The following ELAVL2 variants were observed in gnomAD, a reference collection of about 807,000 sequenced individuals.
ELAVL2 encodes ELAV like RNA binding protein 2.
ELAVL2 carries 4 observed loss-of-function variants against 34.6 expected under a neutral mutation model. The observed-to-expected ratio is 0.12, with a 90% CI of 0.06 to 0.26. The LOEUF is 0.26. ELAVL2 is among the 10% of genes least tolerant of loss of function. The pLI is 1.00. For synonymous variants in ELAVL2, 193 were observed against 154.8 expected (o/e 1.25, Z -1.83); for missense variants, 432 against 442.8 (o/e 0.98, Z 0.22).
chr9:23,722,639 T>C (rs550903898), intron 3 of ELAVL2, among the ~76,000 whole-genome samples: 1 of 152,184 alleles, frequency 6.6e-6, no homozygotes, highest in Non-Finnish European at 1.5e-5. Context: ...ACATCAATAA[T>C]GTGAAATGGA....
intron 4 of ELAVL2, among the ~76,000 whole-genome samples, chr9:23,702,726 T>A (rs1434468161): frequency 6.6e-6 from 1 of 151,958 alleles, no homozygotes; most frequent in African/African-American, 2.4e-5. Flanking sequence ...ACCTTTTCTA[T>A]TTAAAGAGCA....
At chr9:23,716,109 G>T (rs1021540969) in intron 3 of ELAVL2, among the ~76,000 whole-genome samples, 1 of 143,556 alleles carries the variant, frequency 7.0e-6, no homozygotes, top group Non-Finnish European at 1.5e-5. Context: ...GGTGGGAAGT[G>T]AACAATGAGA....
chr9:23,701,634 A>G (rs2037261122), intron 4 of ELAVL2, 30 bp from the exon 5 acceptor site: 1 of 1,605,330 alleles, frequency 6.2e-7, no homozygotes, highest in African/African-American at 1.3e-5. Context: ...AGATTTGGAA[A>G]AGAGGGAACA....
chr9:23,757,853 T>G (rs572252664), intron 2 of ELAVL2, among the ~76,000 whole-genome samples: 1 of 152,202 alleles, frequency 6.6e-6, no homozygotes, highest in South Asian at 2.1e-4. Context: ...ATCAAAATAG[T>G]GACATTAATT....
intron 2 of ELAVL2, among the ~76,000 whole-genome samples, chr9:23,761,450 T>C (rs1032328769): frequency 1.3e-5 from 2 of 152,042 alleles, no homozygotes; most frequent in Non-Finnish European, 2.9e-5. Context: ...TTTATCTTTA[T>C]AACAAGAAGG....
intron 1 of ELAVL2, among the ~76,000 whole-genome samples, chr9:23,794,900 T>C (rs928693396): frequency 5.3e-5 from 8 of 152,162 alleles, no homozygotes; most frequent in African/African-American, 1.4e-4. Context: ...ATTAGGTATA[T>C]ACAGCTCCTA....
chr9:23,820,843 A>AG (rs2064513443), intron 1 of ELAVL2, among the ~76,000 whole-genome samples: 1 of 152,232 alleles, frequency 6.6e-6, no homozygotes, highest in South Asian at 2.1e-4. Context: ...CGCCCGGCAG[A>AG]GCGCCCGCGC....
chr9:23,759,754 T>TTATATATATA (rs774471922), intron 2 of ELAVL2, among the ~76,000 whole-genome samples: 2,943 of 80,882 alleles, frequency 0.036, 96 homozygotes, highest in Non-Finnish European at 0.039. Flanking sequence ...ATATATAGTA[T>TTATATATATA]TATATATATA....
intron 5 of ELAVL2, among the ~76,000 whole-genome samples, chr9:23,696,706 G>A (rs533522617): frequency 6.6e-6 from 1 of 152,036 alleles, no homozygotes; most frequent in African/African-American, 2.4e-5. Flanking sequence ...TCCTGACCTC[G>A]TGATCCACCC....
the ELAVL2 span, among the ~76,000 whole-genome samples, chr9:23,835,774 G>A: frequency 6.6e-6 from 1 of 152,074 alleles, no homozygotes. Flanking sequence ...TGAAATGGAA[G>A]GAAACAACAT....
chr9:23,802,035 AGT>A (rs777664216), intron 1 of ELAVL2, among the ~76,000 whole-genome samples: 3 of 152,190 alleles, frequency 2.0e-5, no homozygotes, highest in Non-Finnish European at 2.9e-5. Context: ...TGTTTTTTTA[AGT>A]GCAGATGTGT....
intron 1 of ELAVL2, among the ~76,000 whole-genome samples, chr9:23,806,631 A>AT (rs1487143270): frequency 1.3e-5 from 2 of 152,134 alleles, no homozygotes; most frequent in East Asian, 3.9e-4. Flanking sequence ...AAAAAAAAAA[A>AT]TCAGTAATAA....
rs565974073 is a variant in ELAVL2 at position 23,693,574 on chromosome 9, G to C, written c.714-88C>G. 15 of 1,459,788 alleles carry C rather than the reference G, an allele frequency of 1.0e-5. No homozygotes were observed. In the East Asian group the frequency reaches 3.2e-4, roughly 31 times the overall value. The allele number at this position is 1,459,788 out of a possible 1,614,324, so 90.4% of individuals were successfully genotyped here. ...TGGGCTCATTACTGCCATCTTCCGA[G>C]GGGATATCTGTACACTGATTATATG... On this transcript the variant is annotated intron_variant, in intron 5 of 6. Coordinates refer to ENST00000397312, the MANE Select transcript of ELAVL2 (RefSeq NM_004432.5).
At chr9:23,716,551 A>G (rs909501624) in intron 3 of ELAVL2, among the ~76,000 whole-genome samples, 1 of 152,138 alleles carries the variant, frequency 6.6e-6, no homozygotes, top group Admixed American at 6.5e-5. Context: ...TTCGTCTTTG[A>G]GCACACAGAG....
chr9:23,697,802 A>T (rs2035780431), intron 5 of ELAVL2, among the ~76,000 whole-genome samples: 1 of 152,186 alleles, frequency 6.6e-6, no homozygotes, highest in Non-Finnish European at 1.5e-5. Flanking sequence ...TTAAAGTCAG[A>T]AATAAAAATA....
At chr9:23,793,490 C>A (rs1366508794) in intron 1 of ELAVL2, among the ~76,000 whole-genome samples, 1 of 152,162 alleles carries the variant, frequency 6.6e-6, no homozygotes, top group Non-Finnish European at 1.5e-5. Flanking sequence ...CTCAAACCCT[C>A]AACTTTTTTT....
chr9:23,751,259 G>C (rs1342344161), intron 2 of ELAVL2, among the ~76,000 whole-genome samples: 1 of 152,062 alleles, frequency 6.6e-6, no homozygotes, highest in African/African-American at 2.4e-5. Flanking sequence ...AACTCATTAA[G>C]AGCTAAAAAT....
intron 3 of ELAVL2, among the ~76,000 whole-genome samples, chr9:23,719,623 A>G (rs1450501265): frequency 6.6e-6 from 1 of 152,128 alleles, no homozygotes; most frequent in Non-Finnish European, 1.5e-5. Context: ...TTCTAAATTA[A>G]GTTTGCATAT....
At chr9:23,728,779 A>G (rs1275554378) in intron 3 of ELAVL2, among the ~76,000 whole-genome samples, 1 of 152,130 alleles carries the variant, frequency 6.6e-6, no homozygotes, top group African/African-American at 2.4e-5. Flanking sequence ...AGAAAGAACA[A>G]ACAGGCAAAG....
Sources: gnomAD v4.1 joint callset for allele counts (sites outside exome capture counted in the v4.1 genomes callset) on GRCh38, gnomAD v4.1.1 for gene constraint, MANE v1.5 for transcripts, NCBI Gene and HGNC (gene_info 2026-07-23, HGNC 2026-07-21) for gene names.